ADAMTS12: variants seen among roughly 807,000 people sequenced by gnomAD.
ADAMTS12 encodes the protein A disintegrin and metalloproteinase with thrombospondin motifs 12.
Under a neutral mutation model 167.8 loss-of-function variants are expected in ADAMTS12, and 118 were observed. The observed-to-expected ratio is 0.70, with a 90% CI of 0.61 to 0.82. The LOEUF (loss-of-function observed/expected upper bound fraction) is 0.82, where lower values mean the gene tolerates loss of function less well. Ranked by LOEUF, ADAMTS12 falls within the 40% of genes least tolerant of loss-of-function variation. The pLI, the probability that ADAMTS12 is intolerant of heterozygous loss-of-function variation, is 0.00. For missense variants in ADAMTS12, 1,916 were observed against 1,998.8 expected (o/e 0.96, Z 0.79); for synonymous variants, 704 against 716.9 (o/e 0.98, Z 0.29).
Position 33,527,384 on chromosome 5 carries a change from G to A in ADAMTS12, c.4607-18C>T, listed in dbSNP as rs372555811. 4.4e-6 allele frequency: 7 copies of A among 1,607,438 alleles called. No individual in the cohort carries two copies. The Admixed American group carries it at 5.1e-5, about 12-fold the overall frequency. On this transcript the variant is annotated intron_variant, in intron 23 of 23. Transcript: ENST00000504830. ...AAGTAAATCTGTGGAAGGAGAAAAA[G>A]AATAAGAAAAAAGTCCAAAGATTAT...
At chr5:33,756,598 C>A (rs1467366283) in intron 2 of ADAMTS12, among the ~76,000 whole-genome samples, 3 of 152,110 alleles carry the variant, frequency 2.0e-5, no homozygotes, top group African/African-American at 7.2e-5. Context: ...GAAGATTTCA[C>A]CCAGCACACC....
At chr5:33,542,877 A>G (rs1561112824) in intron 22 of ADAMTS12, among the ~76,000 whole-genome samples, 1 of 152,220 alleles carries the variant, frequency 6.6e-6, no homozygotes, top group African/African-American at 2.4e-5. Context: ...TGTAGAGGGA[A>G]ATTTATAACA....
intron 2 of ADAMTS12, among the ~76,000 whole-genome samples, chr5:33,877,929 A>G (rs1750289234): frequency 1.3e-5 from 2 of 152,168 alleles, no homozygotes; most frequent in South Asian, 4.1e-4. Flanking sequence ...CACCCCAGGA[A>G]TGACAGGCAG....
chr5:33,762,291 G>A (rs868389976), intron 2 of ADAMTS12, among the ~76,000 whole-genome samples: 3 of 151,982 alleles, frequency 2.0e-5, no homozygotes, highest in Admixed American at 1.3e-4. Flanking sequence ...GGTGGATCAC[G>A]AGGTCAGGAG....
At chr5:33,705,579 G>T (rs548798656) in intron 3 of ADAMTS12, among the ~76,000 whole-genome samples, 32 of 152,160 alleles carry the variant, frequency 2.1e-4, no homozygotes, top group African/African-American at 7.7e-4. Flanking sequence ...TTGGGAGGCC[G>T]AGGTGAGTAG....
At chr5:33,671,988 C>T (rs1741714297) in intron 5 of ADAMTS12, among the ~76,000 whole-genome samples, 1 of 148,632 alleles carries the variant, frequency 6.7e-6, no homozygotes, top group Non-Finnish European at 1.5e-5. Context: ...CTCACATACA[C>T]ACACACCCAT....
At chr5:33,679,113 C>G (rs1280198708) in intron 5 of ADAMTS12, among the ~76,000 whole-genome samples, 1 of 152,188 alleles carries the variant, frequency 6.6e-6, no homozygotes, top group Non-Finnish European at 1.5e-5. Flanking sequence ...GCTTTCTCTC[C>G]TGTCTCCAGC....
At chr5:33,877,914 G>A (rs1264241055) in intron 2 of ADAMTS12, among the ~76,000 whole-genome samples, 1 of 152,110 alleles carries the variant, frequency 6.6e-6, no homozygotes, top group African/African-American at 2.4e-5. Context: ...ACAAAGCCAG[G>A]CTTGCACCCC....
At chr5:33,689,577 T>G (rs568247686) in intron 3 of ADAMTS12, among the ~76,000 whole-genome samples, 1 of 152,272 alleles carries the variant, frequency 6.6e-6, no homozygotes, top group African/African-American at 2.4e-5. Flanking sequence ...AATATCCTGC[T>G]TCTTTATATA....
At chr5:33,748,712 T>C (rs1227013360) in intron 3 of ADAMTS12, among the ~76,000 whole-genome samples, 1 of 152,174 alleles carries the variant, frequency 6.6e-6, no homozygotes, top group East Asian at 1.9e-4. Flanking sequence ...CTTTTTTTCA[T>C]ATAATCACAG....
chr5:33,553,360 C>G (rs1051877431), intron 20 of ADAMTS12, among the ~76,000 whole-genome samples: 1 of 152,210 alleles, frequency 6.6e-6, no homozygotes, highest in Non-Finnish European at 1.5e-5. Flanking sequence ...AGTCCCATTA[C>G]TGGGTATATA....
At chr5:33,730,474 C>T (rs955496668) in intron 3 of ADAMTS12, among the ~76,000 whole-genome samples, 5 of 151,868 alleles carry the variant, frequency 3.3e-5, no homozygotes, top group Non-Finnish European at 1.5e-5. Context: ...TGTTCCTTTA[C>T]GTGGTTAAAA....
At chr5:33,748,599 T>TTGAAGCACTAGGGTAC in intron 3 of ADAMTS12, among the ~76,000 whole-genome samples, 1 of 152,214 alleles carries the variant, frequency 6.6e-6, no homozygotes, top group Non-Finnish European at 1.5e-5. Flanking sequence ...CCTTTCTCTC[T>TTGAAGCACTAGGGTAC]TGAAGCACTA....
intron 2 of ADAMTS12, among the ~76,000 whole-genome samples, chr5:33,880,547 T>G (rs541611862): frequency 4.6e-5 from 7 of 152,372 alleles, no homozygotes; most frequent in Non-Finnish European, 1.0e-4. Flanking sequence ...AGGCCAGATT[T>G]GGCCTATGGT....
intron 3 of ADAMTS12, among the ~76,000 whole-genome samples, chr5:33,709,684 A>G (rs142567795): frequency 3.3e-5 from 5 of 152,010 alleles, no homozygotes; most frequent in African/African-American, 1.2e-4. Context: ...GGAGGGGAAC[A>G]ACACACATGG....
rs1032145214 is a variant in ADAMTS12, at chr5:33,526,920, T to C, written c.*268A>G. On this transcript the variant is annotated 3_prime_UTR_variant, in exon 24 of 24. Transcript: ENST00000504830. ...CAGTATTTCACAAATCTGTCTAACC[T>C]GGCACCTTTCCCAGGAGCCGATACC... is the stretch of plus-strand genomic sequence containing the variant. 3 of 441,462 alleles carry C rather than the reference T, an allele frequency of 6.8e-6. No individual in the cohort carries two copies. Among genetic ancestry groups the C allele is most frequent in the African/African-American group, 5.9e-5 (3 of 51,064 alleles). 27.3% of individuals were successfully genotyped at this position (441,462 alleles called of 1,614,324 possible).
At chr5:33,740,414 G>T (rs1477132815) in intron 3 of ADAMTS12, among the ~76,000 whole-genome samples, 1 of 152,166 alleles carries the variant, frequency 6.6e-6, no homozygotes, top group Non-Finnish European at 1.5e-5. Flanking sequence ...TCCGGCCTGG[G>T]GCAGGGAGGT....
At chr5:33,802,052 G>C (rs987341261) in intron 2 of ADAMTS12, among the ~76,000 whole-genome samples, 1 of 152,176 alleles carries the variant, frequency 6.6e-6, no homozygotes, top group African/African-American at 2.4e-5. Flanking sequence ...CCAGAGAGCT[G>C]CCTTCCCATT....
chr5:33,638,996 C>T (rs1454741152), intron 11 of ADAMTS12, among the ~76,000 whole-genome samples: 2 of 152,080 alleles, frequency 1.3e-5, no homozygotes, highest in African/African-American at 4.8e-5. Flanking sequence ...TGCCTCCTAT[C>T]GCAGGAGTGC....
Sources: allele counts gnomAD v4.1 joint callset (sites outside exome capture counted in the v4.1 genomes callset), GRCh38; gene constraint gnomAD v4.1.1; transcripts MANE v1.5; gene names NCBI Gene and HGNC (gene_info 2026-07-23, HGNC 2026-07-21).